The following BPIFB2 variants were observed in gnomAD, a reference collection of about 807,000 sequenced individuals.
The protein encoded by BPIFB2 is BPI fold-containing family B member 2.
A neutral mutation model predicts 50.1 loss-of-function variants in BPIFB2; 39 were observed. That is an observed-to-expected ratio of 0.78 (90% CI 0.60 to 1.02). BPIFB2 has a LOEUF of 1.02. Among genes scored for constraint, BPIFB2 ranks in the 50% least tolerant of loss-of-function variants. BPIFB2 has a pLI of 0.00. For missense variants in BPIFB2, 574 were observed against 585.8 expected (o/e 0.98, Z 0.21); for synonymous variants, 280 against 256.3 (o/e 1.09, Z -0.88).
chr20:33,008,507 T>C lies in BPIFB2; in HGVS notation c.-34-34T>C. On this transcript the variant is annotated intron_variant, in intron 1 of 15. Transcript: ENST00000170150. ...CGGGTGGCTCAGGGGTGGGCTGTTT[T>C]GGCTGAGCTCCCTGATGCTCATTTC... 7 of 1,382,104 alleles carry C rather than the reference T, an allele frequency of 5.1e-6. No individual in the cohort carries two copies. The South Asian group carries it at 6.9e-5, about 14-fold the overall frequency. The allele number at this position is 1,382,104 out of a possible 1,614,324, so 85.6% of individuals were successfully genotyped here.
At position 33,015,455 on chromosome 20, in the gene BPIFB2, G is replaced by A. The variant is rs1333193897; in HGVS notation, c.475G>A (p.Val159Ile). The A allele has an allele frequency of 1.2e-6, 2 of 1,613,802 alleles. No homozygotes were observed. Among genetic ancestry groups the A allele is most frequent in the Non-Finnish European group, 1.7e-6 (2 of 1,179,906 alleles). ...GSNSTSHALL[V>I]LVQKHIKAVL... ...CCTCAGCACCTCCCACGCGCTGCTG[G>A]TCCTGGTGCAGAAGCACATTAAAGC... The change falls in exon 6 of 16, where the codon GTC becomes ATC. Residue 159 changes from valine (V) to isoleucine (I), a missense_variant. By Grantham distance (29) the Val-to-Ile change is conservative (BLOSUM62 3). Transcript: ENST00000170150.
chr20:33,020,544 A>T lies in BPIFB2; in HGVS notation c.1151A>T (p.Asp384Val). The T allele has an allele frequency of 6.2e-7, 1 of 1,608,354 alleles. No individual in the cohort carries two copies. Reference sequence around the variant, plus strand: ...GAATTCTCCTGCTTCTCTTTCAGGGATGTCCAGCTCACGGTGGCCTCCTCC... The same window carrying T: ...GAATTCTCCTGCTTCTCTTTCAGGGTTGTCCAGCTCACGGTGGCCTCCTCC... ...KLQGTTSVLG[D>V]VQLTVASSNV... Residue 384 changes from aspartate (D) to valine (V), a missense_variant and splice_region_variant, in exon 13 of 16, where the codon GAT (aspartate) becomes GTT (valine). Transcript: ENST00000170150.
In BPIFB2 at chr20:33,013,936, C is replaced by G; in HGVS notation, c.435C>G (p.Asn145Lys). The G allele has an allele frequency of 6.2e-7, 1 of 1,613,714 alleles. No individual in the cohort carries two copies. Among genetic ancestry groups the G allele is most frequent in the Non-Finnish European group, 8.5e-7 (1 of 1,179,682 alleles). Reference sequence around the variant, plus strand: ...GCTCTTTATTCTCGGGCCACGCCAACGAGTTTGATGGCAGTAACAGGTGGG... The same window carrying G: ...GCTCTTTATTCTCGGGCCACGCCAAGGAGTTTGATGGCAGTAACAGGTGGG... ...SACSLFSGHANEFDGSNSTSH... is the reference protein window; with the variant it reads ...SACSLFSGHAKEFDGSNSTSH... Residue 145 changes from asparagine (N) to lysine (K), a missense_variant, in exon 5 of 16, where the codon AAC (asparagine) becomes AAG (lysine). Coordinates refer to ENST00000170150, the MANE Select transcript of BPIFB2 (RefSeq NM_025227.3).
rs991749270 is a variant in BPIFB2 at position 33,009,637 on chromosome 20, T to C, written c.109+954T>C. 1.3e-5 allele frequency among the ~76,000 whole-genome samples: 2 copies of C among 151,888 alleles called. No individual in the cohort carries two copies. Among genetic ancestry groups the C allele is most frequent in the African/African-American group, 4.8e-5 (2 of 41,334 alleles). On this transcript the variant is annotated intron_variant, in intron 2 of 15. Coordinates refer to ENST00000170150, the MANE Select transcript of BPIFB2 (RefSeq NM_025227.3). This position sits in a 1 kb window ranked among gnomAD's most constrained non-coding sequence, Gnocchi z 4.2. ...GCTGATGGGCAGGCAATGAAAGGGG[T>C]CAGTGATCCGTGCCAGAGCATGACA...
chr20:33,008,138 C>G (rs979852643), intron 1 of BPIFB2, among the ~76,000 whole-genome samples: 3 of 152,184 alleles, frequency 2.0e-5, no homozygotes, highest in African/African-American at 7.2e-5. Context: ...ACCAAGCTGG[C>G]TGTCACACGG....
At chr20:33,015,599 TA>T (rs35897534) in intron 6 of BPIFB2, 103 bp downstream of exon 6, 97,215 of 751,352 alleles carry the variant, frequency 0.13, 131 homozygotes, top group East Asian at 0.21. Context: ...TGCTTGGGAT[TA>T]AAAAAAAAAA....
intron 4 of BPIFB2, among the ~76,000 whole-genome samples, chr20:33,013,267 G>A (rs950342099): frequency 1.3e-5 from 2 of 152,138 alleles, no homozygotes; most frequent in Non-Finnish European, 1.5e-5. Context: ...CATGAGAGAC[G>A]CTCAATAAGC....
chr20:33,020,897 C>A (rs535916970), intron 13 of BPIFB2, among the ~76,000 whole-genome samples: 1 of 152,160 alleles, frequency 6.6e-6, no homozygotes, highest in African/African-American at 2.4e-5. Context: ...ACTTGTCAGC[C>A]GGCATGCCAT....
At chr20:33,014,368 A>C (rs988516772) in intron 5 of BPIFB2, among the ~76,000 whole-genome samples, 1 of 152,236 alleles carries the variant, frequency 6.6e-6, no homozygotes, top group Non-Finnish European at 1.5e-5. Flanking sequence ...TCCCTTCTGC[A>C]TAAAGGCTGA....
In BPIFB2 at chr20:33,021,770, T is replaced by C; in HGVS notation, c.1306T>C (p.Tyr436His). The C allele has an allele frequency of 1.9e-6, 3 of 1,614,126 alleles. No homozygotes were observed. Among genetic ancestry groups the C allele is most frequent in the Non-Finnish European group, 2.5e-6 (3 of 1,179,986 alleles). ...CCTCCCTGGTGTGGTCAACCTCCAC[T>C]ATGTCGCCCCTGAGATCTTTGTCTA... The part of the protein sequence containing the change: ...IALPGVVNLH[Y>H]VAPEIFVYEG... Residue 436 changes from tyrosine (Y) to histidine (H), a missense_variant, in exon 15 of 16, where the codon TAT becomes CAT. Tyr to His is a moderately conservative substitution (Grantham distance 83, BLOSUM62 2). Coordinates refer to ENST00000170150, the MANE Select transcript of BPIFB2 (RefSeq NM_025227.3).
chr20:33,016,924 G>C, intron 6 of BPIFB2, 118 bp from the exon 7 acceptor site: 1 of 867,188 alleles, frequency 1.2e-6, no homozygotes, highest in Admixed American at 2.4e-5. Flanking sequence ...AGGGATTCCA[G>C]GCATGGTGTA....
intron 4 of BPIFB2, among the ~76,000 whole-genome samples, chr20:33,013,116 C>A (rs1342653270): frequency 6.6e-6 from 1 of 152,104 alleles, no homozygotes; most frequent in African/African-American, 2.4e-5. Flanking sequence ...TGCAACTGGG[C>A]AGAGTCACTT....
chr20:33,007,821 A>C (rs1990228431), intron 1 of BPIFB2, 61 bp downstream of exon 1: 3 of 152,122 alleles, frequency 2.0e-5, no homozygotes, highest in African/African-American at 7.3e-5. Flanking sequence ...CTATCTGTTC[A>C]GTGGGGATGC....
intron 3 of BPIFB2, 31 bp from the exon 4 acceptor site, chr20:33,012,772 C>T: frequency 1.3e-6 from 2 of 1,546,792 alleles, no homozygotes; most frequent in Non-Finnish European, 1.8e-6. Context: ...TTAATGGGGG[C>T]CACTCTGTCA....
intron 3 of BPIFB2, 85 bp downstream of exon 3, chr20:33,011,202 G>A (rs1212580998): frequency 1.6e-5 from 21 of 1,327,884 alleles, no homozygotes; most frequent in Non-Finnish European, 2.2e-5. Context: ...CAGTCCACCG[G>A]GCATGTGCTC....
In BPIFB2 at chr20:33,009,597, G is replaced by A. The variant is rs1380665704; in HGVS notation, c.109+914G>A. Among the ~76,000 whole-genome samples, 4 of 152,192 alleles carry A rather than the reference G, an allele frequency of 2.6e-5. No individual in the cohort carries two copies. The East Asian group carries it at 5.8e-4, about 22-fold the overall frequency. On this transcript the variant is annotated intron_variant, in intron 2 of 15. Transcript: ENST00000170150. The surrounding 1 kb of genome is among the most constrained non-coding windows in gnomAD (Gnocchi z 4.2). ...ACCCCTGGGTAAACACAGCCTTCCG[G>A]GACCTCATATCCGGGCTGATGGGCA...
At chr20:33,017,239 C>A in intron 7 of BPIFB2, 137 bp downstream of exon 7, 1 of 637,470 alleles carries the variant, frequency 1.6e-6, no homozygotes, top group South Asian at 2.9e-5. Flanking sequence ...TTGTGAGCTC[C>A]CAAAACAGTG....
rs200818769 is a variant in BPIFB2, at chr20:33,008,729, G to A, written c.109+46G>A. ...TGAGTGTCTGTGAGCCTGTACATGC[G>A]TGTGCAATCCTAAGTGTGTGTGCGT... is the stretch of plus-strand genomic sequence containing the variant. On this transcript the variant is annotated intron_variant, in intron 2 of 15. Coordinates refer to ENST00000170150, the MANE Select transcript of BPIFB2 (RefSeq NM_025227.3). The A allele has an allele frequency of 5.8e-5, 85 of 1,468,402 alleles. No individual in the cohort carries two copies. The Admixed American group carries it at 7.4e-4, about 13-fold the overall frequency. The allele number at this position is 1,468,402 out of a possible 1,614,324, so 91.0% of individuals were successfully genotyped here.
intron 3 of BPIFB2, among the ~76,000 whole-genome samples, chr20:33,011,892 T>A (rs1158658566): frequency 6.6e-6 from 1 of 152,056 alleles, no homozygotes; most frequent in Non-Finnish European, 1.5e-5. Flanking sequence ...GGTGGGAGAA[T>A]CTCTTGAACC....
Sources: gnomAD v4.1 joint callset for allele counts (sites outside exome capture counted in the v4.1 genomes callset) on GRCh38, gnomAD v4.1.1 for gene constraint, Gnocchi (gnomAD v3.1) non-coding constraint, MANE v1.5 for transcripts, NCBI Gene and HGNC (gene_info 2026-07-23, HGNC 2026-07-21) for gene names.